Variants in DPP10 observed in about 807,000 individuals in gnomAD.
DPP10 encodes the protein dipeptidyl peptidase like 10, also known as inactive dipeptidyl peptidase 10.
In DPP10, 33 loss-of-function variants were observed where a neutral mutation model predicts 120.9. That is an observed-to-expected ratio of 0.27 (90% CI 0.21 to 0.37). DPP10 has a LOEUF of 0.37. Ranked by LOEUF, DPP10 falls within the 10% of genes least tolerant of loss-of-function variation. The pLI is 1.00. For synonymous variants in DPP10, 337 were observed against 326.1 expected, an observed-to-expected ratio of 1.03 and a Z score of -0.36; for missense variants, 816 against 942.8, an observed-to-expected ratio of 0.87 and a Z score of 1.76.
chr2:115,300,897 T>C (rs1249569182), intron 1 of DPP10, among the ~76,000 whole-genome samples: 2 of 152,054 alleles, frequency 1.3e-5, no homozygotes, highest in African/African-American at 4.8e-5. Flanking sequence ...TGTTTCTTTA[T>C]ATGCCTTGTG....
At chr2:114,720,398 C>T (rs1041810925) in intron 1 of DPP10, among the ~76,000 whole-genome samples, 6 of 152,086 alleles carry the variant, frequency 3.9e-5, no homozygotes, top group Non-Finnish European at 7.3e-5. Context: ...TAGTTTACTG[C>T]CACGGTTGAA....
intron 1 of DPP10, among the ~76,000 whole-genome samples, chr2:115,061,164 T>G (rs763503278): frequency 4.6e-5 from 7 of 152,226 alleles, no homozygotes; most frequent in Non-Finnish European, 1.0e-4. Context: ...AATCATCATT[T>G]CATCCCATGG....
At chr2:115,802,291 A>G (rs1169628761) in intron 19 of DPP10, among the ~76,000 whole-genome samples, 2 of 151,922 alleles carry the variant, frequency 1.3e-5, no homozygotes, top group East Asian at 1.9e-4. Context: ...CCCCTTTGTC[A>G]TTTTTTATTG....
chr2:115,175,812 TTTAA>T (rs1360504564), intron 1 of DPP10, among the ~76,000 whole-genome samples: 2 of 152,254 alleles, frequency 1.3e-5, no homozygotes, highest in African/African-American at 4.8e-5. Flanking sequence ...TGTACTTAAT[TTTAA>T]TTAATTTAAG....
At chr2:115,679,448 T>C (rs972009356) in intron 5 of DPP10, among the ~76,000 whole-genome samples, 1 of 152,176 alleles carries the variant, frequency 6.6e-6, no homozygotes, top group Non-Finnish European at 1.5e-5. Flanking sequence ...CATGTTTGCT[T>C]CCCTTTCCAC....
chr2:114,977,580 A>AG (rs1699831777), intron 1 of DPP10, among the ~76,000 whole-genome samples: 1 of 152,132 alleles, frequency 6.6e-6, no homozygotes, highest in African/African-American at 2.4e-5. Context: ...CTAGACAGGT[A>AG]GGGGTTCTGC....
At chr2:115,657,079 C>T (rs1645294354) in intron 5 of DPP10, among the ~76,000 whole-genome samples, 1 of 151,458 alleles carries the variant, frequency 6.6e-6, no homozygotes, top group South Asian at 2.1e-4. Flanking sequence ...ATTTTCCCAT[C>T]CTAAGAAATG....
chr2:115,088,750 C>CAAAAAAAAAAAAAAAAA (rs70941027), intron 1 of DPP10, among the ~76,000 whole-genome samples: 1 of 65,040 alleles, frequency 1.5e-5, no homozygotes, highest in African/African-American at 5.6e-5. Flanking sequence ...CTGTGCCTGA[C>CAAAAAAAAAAAAAAAAA]AAAAAAAAAA....
intron 1 of DPP10, among the ~76,000 whole-genome samples, chr2:114,490,662 G>A (rs79682920): frequency 0.02 from 3,110 of 152,214 alleles, 52 homozygotes; most frequent in Middle Eastern, 0.051. Context: ...GAGGGAGAAG[G>A]TGAGGAGAAA....
At chr2:115,209,986 C>T (rs2056399153) in intron 1 of DPP10, among the ~76,000 whole-genome samples, 1 of 152,020 alleles carries the variant, frequency 6.6e-6, no homozygotes, top group Non-Finnish European at 1.5e-5. Flanking sequence ...CAACACTAGC[C>T]TGGGCAACAT....
At chr2:115,813,019 G>C (rs1289590542) in intron 19 of DPP10, among the ~76,000 whole-genome samples, 2 of 131,774 alleles carry the variant, frequency 1.5e-5, no homozygotes, top group Non-Finnish European at 3.0e-5. Context: ...CTGTCGCCCA[G>C]GCCGGACTGC....
rs576112911 is a variant in DPP10 at position 114,479,837 on chromosome 2, T to A, written c.60+36999T>A. 3.9e-4 allele frequency among the ~76,000 whole-genome samples: 59 copies of A among 152,096 alleles called. No individual in the cohort carries two copies. In the East Asian group the frequency reaches 0.01, roughly 26 times the overall value. On this transcript the variant is annotated intron_variant, in intron 1 of 25. Transcript: ENST00000410059. The stretch of plus-strand genomic sequence containing the variant: ...TTCATGTCTAAAACACCAAAAGCAA[T>A]GGCAACAAAAGCCAAAATTGACAAA...
intron 1 of DPP10, among the ~76,000 whole-genome samples, chr2:115,289,224 G>T (rs2105915877): frequency 6.6e-6 from 1 of 152,064 alleles, no homozygotes; most frequent in East Asian, 1.9e-4. Context: ...CTAGGAATAT[G>T]CTTAACTAAG....
At chr2:114,792,990 T>TTGTGTGTGTGTGTGTGTG (rs55780807) in intron 1 of DPP10, among the ~76,000 whole-genome samples, 1 of 143,642 alleles carries the variant, frequency 7.0e-6, no homozygotes, top group African/African-American at 2.6e-5. Flanking sequence ...AACTGTATTA[T>TTGTGTGTGTGTGTGTGTG]TGTGTGTGTG....
chr2:115,728,496 C>T (rs757779008), intron 8 of DPP10, among the ~76,000 whole-genome samples: 7 of 152,088 alleles, frequency 4.6e-5, no homozygotes, highest in South Asian at 2.1e-4. Flanking sequence ...GTTTTTATCA[C>T]GTACCAATTA....
At chr2:114,623,366 A>C (rs546983595) in intron 1 of DPP10, among the ~76,000 whole-genome samples, 1 of 152,150 alleles carries the variant, frequency 6.6e-6, no homozygotes, top group African/African-American at 2.4e-5. Context: ...AAGATGATAC[A>C]ACTGCCAGCA....
At chr2:115,374,151 C>T (rs931398536) in intron 3 of DPP10, among the ~76,000 whole-genome samples, 4 of 152,104 alleles carry the variant, frequency 2.6e-5, no homozygotes, top group African/African-American at 9.7e-5. Context: ...ACCAATCATG[C>T]CTTCCAAACA....
chr2:115,196,544 T>G (rs1165045554), intron 1 of DPP10, among the ~76,000 whole-genome samples: 1 of 152,248 alleles, frequency 6.6e-6, no homozygotes, highest in Non-Finnish European at 1.5e-5. Context: ...TGTAATTTTT[T>G]TCTAATTGCA....
chr2:115,382,606 C>G, intron 3 of DPP10, among the ~76,000 whole-genome samples: 1 of 151,966 alleles, frequency 6.6e-6, no homozygotes, highest in East Asian at 1.9e-4. Context: ...ATCTCTGTGT[C>G]TAGCTAAGAA....
Sources: gnomAD v4.1 joint callset for allele counts (sites outside exome capture counted in the v4.1 genomes callset) on GRCh38, gnomAD v4.1.1 for gene constraint, MANE v1.5 for transcripts, NCBI Gene and HGNC (gene_info 2026-07-23, HGNC 2026-07-21) for gene names.